The following GRK4 variants were observed in gnomAD, a reference collection of about 807,000 sequenced individuals.
GRK4 encodes G protein-coupled receptor kinase 2-like.
GRK4 carries 73 observed loss-of-function variants against 77.9 expected under a neutral mutation model. That is an observed-to-expected ratio of 0.94 (90% confidence interval 0.78 to 1.14). GRK4 has a LOEUF of 1.14. Among genes scored for constraint, GRK4 ranks in the 50% most tolerant of loss-of-function variants. GRK4 has a pLI of 0.00. For synonymous variants in GRK4, 257 were observed against 254.4 expected, an observed-to-expected ratio of 1.01 and a Z score of -0.10; for missense variants, 729 against 700.2, an observed-to-expected ratio of 1.04 and a Z score of -0.46.
chr4:2,987,750 G>A (rs1258713405), intron 2 of GRK4, among the ~76,000 whole-genome samples: 2 of 152,110 alleles, frequency 1.3e-5, no homozygotes, highest in Non-Finnish European at 2.9e-5. Context: ...AGACTAGCCT[G>A]GCCAACATGG....
At chr4:3,021,938 T>A (rs977196214) in intron 9 of GRK4, among the ~76,000 whole-genome samples, 2 of 152,136 alleles carry the variant, frequency 1.3e-5, no homozygotes, top group Non-Finnish European at 2.9e-5. Flanking sequence ...CATCAGTAGG[T>A]ATCACTAAGC....
intron 1 of GRK4, among the ~76,000 whole-genome samples, chr4:2,968,809 G>A (rs1382064598): frequency 2.0e-5 from 3 of 152,114 alleles, no homozygotes; most frequent in African/African-American, 7.2e-5. Flanking sequence ...TGATAATCAG[G>A]TCTCCACGGT....
chr4:3,015,621 G>A (rs557571355), intron 8 of GRK4, among the ~76,000 whole-genome samples: 1 of 148,292 alleles, frequency 6.7e-6, no homozygotes, highest in East Asian at 2.0e-4. Flanking sequence ...CTTGCAGTGA[G>A]CCAAGATCAC....
chr4:3,039,882 C>T (rs1049557047), intron 15 of GRK4, among the ~76,000 whole-genome samples: 16 of 152,050 alleles, frequency 1.1e-4, no homozygotes, highest in African/African-American at 3.1e-4. Context: ...CCCTGGGCCC[C>T]GGTCCCAGTG....
intron 12 of GRK4, among the ~76,000 whole-genome samples, chr4:3,033,343 C>T (rs768521048): frequency 1.8e-4 from 28 of 152,306 alleles, no homozygotes; most frequent in Non-Finnish European, 3.2e-4. Flanking sequence ...ATCCCATTCA[C>T]GAGGGCAGAG....
intron 15 of GRK4, among the ~76,000 whole-genome samples, chr4:3,039,318 G>A (rs1446392507): frequency 1.3e-5 from 2 of 152,180 alleles, no homozygotes; most frequent in East Asian, 1.9e-4. Flanking sequence ...CCTTGGATTC[G>A]TGGGCCATCC....
At chr4:3,034,729 G>A (rs1740107559) in intron 12 of GRK4, among the ~76,000 whole-genome samples, 1 of 152,138 alleles carries the variant, frequency 6.6e-6, no homozygotes, top group South Asian at 2.1e-4. Context: ...TTGCTAAGTG[G>A]TTGCCTCATC....
In GRK4 at chr4:2,964,135, C is replaced by T. The variant is rs1352676183; in HGVS notation, c.52+13C>T. 1 of 1,581,822 alleles carries T rather than the reference C, an allele frequency of 6.3e-7. No individual in the cohort carries two copies. The highest frequency in any genetic ancestry group is 1.1e-5 in the South Asian group (1 of 87,806). On this transcript the variant is annotated intron_variant, in intron 1 of 15. Transcript: ENST00000398052. The stretch of plus-strand genomic sequence containing the variant: ...AAAGCGCGTCAAGGTGGGTGCGCGG[C>T]AGGCGCCCCCGACCCCCCCCCCAGA...
intron 1 of GRK4, among the ~76,000 whole-genome samples, chr4:2,973,410 C>T (rs1488409863): frequency 6.6e-6 from 1 of 152,168 alleles, no homozygotes; most frequent in African/African-American, 2.4e-5. Context: ...TTCACGCCTG[C>T]AGGCTGGGCC....
intron 4 of GRK4, 78 bp downstream of exon 4, chr4:2,992,370 A>G: frequency 6.2e-6 from 6 of 964,424 alleles, no homozygotes; most frequent in Non-Finnish European, 9.8e-6. Flanking sequence ...GTTAGATAAG[A>G]CGTAACATAT....
rs148108626 is a variant in GRK4, at chr4:3,032,406, G to C, written c.1270-2980G>C. Among the ~76,000 whole-genome samples, 178 of 152,176 alleles carry C rather than the reference G, an allele frequency of 1.2e-3. 1 individual carries two copies. Among genetic ancestry groups the C allele is most frequent in the African/African-American group, 4.1e-3 (170 of 41,522 alleles). ...GCCACTGCACTCCAGCCTGGCGACA[G>C]AGCATGACTCCGTCTCAAAAAAGAA... is the stretch of plus-strand genomic sequence containing the variant. On this transcript the variant is annotated intron_variant, in intron 12 of 15. Coordinates refer to ENST00000398052, the MANE Select transcript of GRK4 (RefSeq NM_182982.3).
At chr4:3,037,533 C>T (rs778579551) in intron 14 of GRK4, 22 bp downstream of exon 14, 15 of 1,587,206 alleles carry the variant, frequency 9.5e-6, no homozygotes, top group Admixed American at 3.4e-5. Flanking sequence ...CCAGCACAGC[C>T]GCTTTACGTT....
rs538031762 is a variant in GRK4, at chr4:2,964,061, G to A, written c.-10G>A. The A allele has an allele frequency of 1.9e-6, 3 of 1,608,514 alleles. No individual in the cohort carries two copies. Among genetic ancestry groups the A allele is most frequent in the African/African-American group, 2.7e-5 (2 of 74,906 alleles). On this transcript the variant is annotated 5_prime_UTR_variant, in exon 1 of 16. Transcript: ENST00000398052. ...CTCGCAGAATCCGCCGGCGGCGGCG[G>A]CGCCAGGACATGGAGCTCGAGAACA...
chr4:3,004,682 A>AG (rs11380432), intron 5 of GRK4, among the ~76,000 whole-genome samples: 2,644 of 152,322 alleles, frequency 0.017, 64 homozygotes, highest in African/African-American at 0.058. Flanking sequence ...ATCATAAGGA[A>AG]GAGAAAATAT....
chr4:3,010,808 C>A (rs1732699070), intron 7 of GRK4, among the ~76,000 whole-genome samples: 1 of 152,188 alleles, frequency 6.6e-6, no homozygotes, highest in African/African-American at 2.4e-5. Flanking sequence ...AAGCCACTAG[C>A]ATTGCCTTGA....
chr4:3,013,887 C>T, intron 8 of GRK4, 59 bp downstream of exon 8: 1 of 1,503,382 alleles, frequency 6.7e-7, no homozygotes, highest in Non-Finnish European at 8.9e-7. Context: ...CTTTTGTCAG[C>T]CGACATGCCG....
At chr4:3,010,455 G>C (rs545746547) in intron 7 of GRK4, among the ~76,000 whole-genome samples, 3 of 152,188 alleles carry the variant, frequency 2.0e-5, no homozygotes, top group African/African-American at 7.2e-5. Flanking sequence ...TTGAACTCCC[G>C]ACCTCGGGTG....
chr4:3,023,307 G>T (rs559119895), intron 10 of GRK4, among the ~76,000 whole-genome samples: 1 of 152,296 alleles, frequency 6.6e-6, no homozygotes, highest in Admixed American at 6.5e-5. Flanking sequence ...TGCTGGGGAG[G>T]GTGGTTGTGC....
At chr4:2,986,739 G>A in intron 2 of GRK4, 1 of 237,046 alleles carries the variant, frequency 4.2e-6, no homozygotes, top group Non-Finnish European at 8.8e-6. Context: ...TCTGAGCTTT[G>A]TGTTATCTGT....
Sources: gnomAD v4.1 joint callset for allele counts (sites outside exome capture counted in the v4.1 genomes callset) on GRCh38, gnomAD v4.1.1 for gene constraint, MANE v1.5 for transcripts, NCBI Gene and HGNC (gene_info 2026-07-23, HGNC 2026-07-21) for gene names.